The following PLEKHA8 variants were observed in gnomAD, a reference collection of about 807,000 sequenced individuals.
PLEKHA8 encodes pleckstrin homology domain-containing family A member 8.
In PLEKHA8, 36 loss-of-function variants were observed where a neutral mutation model predicts 68.2. The observed-to-expected ratio is 0.53, with a 90% confidence interval of 0.40 to 0.70. PLEKHA8 has a LOEUF of 0.70. Ranked by LOEUF, PLEKHA8 falls within the 30% of genes least tolerant of loss-of-function variation. The probability of loss-of-function intolerance (pLI) is 0.00; values close to 1 mark genes in which losing one functional copy is unlikely to be tolerated. For missense variants in PLEKHA8, 505 were observed against 615.4 expected, an observed-to-expected ratio of 0.82 and a Z score of 1.90; for synonymous variants, 211 against 216.1, an observed-to-expected ratio of 0.98 and a Z score of 0.20.
Position 30,052,775 on chromosome 7 carries a change from C to A in PLEKHA8, c.705C>A (p.Ile235=), listed in dbSNP as rs1466621314. The A allele has an allele frequency of 6.4e-7, 1 of 1,567,018 alleles. No homozygotes were observed. The highest frequency in any genetic ancestry group is 1.2e-5 in the South Asian group (1 of 82,392). The change falls in exon 7 of 14, where the codon ATC becomes ATA. Residue 235 remains isoleucine, a synonymous_variant. Coordinates refer to ENST00000449726, the MANE Select transcript of PLEKHA8 (RefSeq NM_001197026.2). ...LNMEINGEEE[I]LMKNKNSLYL... The stretch of plus-strand genomic sequence containing the variant: ...TGGAAATAAATGGTGAGGAAGAAAT[C>A]CTAATGAAAAATAAGAATTCCTTAT...
chr7:30,116,317 TAC>T (rs1167261543), intron 13 of PLEKHA8, among the ~76,000 whole-genome samples: 1 of 151,824 alleles, frequency 6.6e-6, no homozygotes, highest in Non-Finnish European at 1.5e-5. Context: ...CATATATACA[TAC>T]ACATATGTGT....
rs527958905 is a variant in PLEKHA8 at position 30,043,302 on chromosome 7, T to C, written c.41-1783T>C. ...TGTGAGCCACCGTGCCCTGCCAGCA[T>C]CACCTTCTGAAATAAAAATTTACAA... On this transcript the variant is annotated intron_variant, in intron 1 of 13. Coordinates refer to ENST00000449726, the MANE Select transcript of PLEKHA8 (RefSeq NM_001197026.2). Among the ~76,000 whole-genome samples, 4 of 152,262 alleles carry C rather than the reference T, an allele frequency of 2.6e-5. No homozygotes were observed. The South Asian group carries it at 8.3e-4, about 32-fold the overall frequency.
rs1246749954 is a variant in PLEKHA8, at chr7:30,083,365, CTG to C, written c.*4580_*4581del. 3 of 983,968 alleles carry C rather than the reference CTG, an allele frequency of 3.0e-6. No homozygotes were observed. Among genetic ancestry groups the C allele is most frequent in the East Asian group, 2.3e-4 (2 of 8,822 alleles). The allele number at this position is 983,968 out of a possible 1,614,324, so 61.0% of individuals were successfully genotyped here. ...CTAGCTGTCTAATGGTATTTTAAGA[CTG>C]TTTATCTGTATCACAACGTCATTAG... On this transcript the variant is annotated 3_prime_UTR_variant, in exon 14 of 14. Transcript: ENST00000449726.
intron 7 of PLEKHA8, among the ~76,000 whole-genome samples, chr7:30,053,102 T>C (rs760389074): frequency 1.3e-5 from 2 of 152,216 alleles, no homozygotes; most frequent in East Asian, 3.8e-4. Context: ...TTCTTGGCTG[T>C]GTTCATGGGC....
chr7:30,119,707 G>A (rs1236556589), intron 13 of PLEKHA8, among the ~76,000 whole-genome samples: 1 of 152,214 alleles, frequency 6.6e-6, no homozygotes, highest in East Asian at 1.9e-4. Context: ...GATGAAAACA[G>A]CCGCTTATAC....
chr7:30,129,723 G>T (rs148134609), downstream of PLEKHA8: 651 of 185,908 alleles, frequency 3.5e-3, 5 homozygotes, highest in African/African-American at 0.014. Flanking sequence ...TATTTTCTCA[G>T]ATCCTTATAA....
At chr7:30,124,463 TG>T (rs1235250826) in intron 13 of PLEKHA8, among the ~76,000 whole-genome samples, 2 of 152,242 alleles carry the variant, frequency 1.3e-5, no homozygotes, top group Non-Finnish European at 2.9e-5. Flanking sequence ...ACTTGGAAAG[TG>T]TGTTTTATTT....
intron 9 of PLEKHA8, 34 bp from the exon 10 acceptor site, chr7:30,060,850 C>A: frequency 6.3e-7 from 1 of 1,589,280 alleles, no homozygotes; most frequent in Non-Finnish European, 8.6e-7. Context: ...TTAAAAATTG[C>A]TTTTTCAGAA....
intron 12 of PLEKHA8, among the ~76,000 whole-genome samples, chr7:30,067,384 C>CA (rs956835476): frequency 6.6e-6 from 1 of 152,100 alleles, no homozygotes; most frequent in Non-Finnish European, 1.5e-5. Flanking sequence ...GTGGGAGGAT[C>CA]ACTTGCGCCA....
intron 7 of PLEKHA8, among the ~76,000 whole-genome samples, chr7:30,054,349 T>G (rs1176741744): frequency 6.6e-6 from 1 of 152,196 alleles, no homozygotes; most frequent in Non-Finnish European, 1.5e-5. Context: ...CAAATACATA[T>G]AGAATGTGCT....
intron 13 of PLEKHA8, among the ~76,000 whole-genome samples, chr7:30,100,674 G>A (rs1795817491): frequency 2.0e-5 from 3 of 152,074 alleles, no homozygotes; most frequent in Non-Finnish European, 4.4e-5. Flanking sequence ...AAGGAACAAG[G>A]TAAGGATATC....
At chr7:30,116,102 A>T (rs147465766) in intron 13 of PLEKHA8, 1 of 150,700 alleles carries the variant, frequency 6.6e-6, no homozygotes, top group Admixed American at 6.6e-5. Context: ...ACGTATACAT[A>T]CGCATACATA....
chr7:30,063,441 C>A (rs1157770086), intron 12 of PLEKHA8, among the ~76,000 whole-genome samples: 1 of 152,134 alleles, frequency 6.6e-6, no homozygotes, highest in Non-Finnish European at 1.5e-5. Flanking sequence ...GCTGAACTCT[C>A]ACCATTGATC....
chr7:30,110,873 C>T lies in PLEKHA8; in HGVS notation c.1363-18393C>T, dbSNP rs117107034. On this transcript the variant is annotated intron_variant, in intron 13 of 13. Transcript: ENST00000396257. ...AAGAAATATCTATTCAAATTCTTTGCCCAACTTTAATTGTGGTGTTTTCTT... is the reference window on the plus strand; with the variant it reads ...AAGAAATATCTATTCAAATTCTTTGTCCAACTTTAATTGTGGTGTTTTCTT... Among the ~76,000 whole-genome samples, 874 of 150,556 alleles carry T rather than the reference C, an allele frequency of 5.8e-3. 1 individual carries two copies. Among genetic ancestry groups the T allele is most frequent in the Non-Finnish European group, 8.0e-3 (545 of 67,710 alleles).
downstream of PLEKHA8, among the ~76,000 whole-genome samples, chr7:30,090,919 G>C (rs543255334): frequency 3.0e-4 from 45 of 152,270 alleles, no homozygotes; most frequent in African/African-American, 1.0e-3. Flanking sequence ...CCAGTGCTTT[G>C]GGAGGCCAAG....
intron 13 of PLEKHA8, among the ~76,000 whole-genome samples, chr7:30,098,902 C>T (rs889246177): frequency 7.9e-5 from 12 of 152,198 alleles, no homozygotes; most frequent in Admixed American, 5.2e-4. Context: ...CCGTCTTCTG[C>T]GTCGCTCACG....
chr7:30,098,558 C>A (rs959817425), intron 13 of PLEKHA8, among the ~76,000 whole-genome samples: 1 of 152,254 alleles, frequency 6.6e-6, no homozygotes, highest in Non-Finnish European at 1.5e-5. Context: ...AGCCTCGCTG[C>A]CGCCTTGCAG....
rs1483822474 is a variant in PLEKHA8 at position 30,081,284 on chromosome 7, T to C, written c.*2497T>C. The C allele has an allele frequency of 2.0e-6, 2 of 985,256 alleles. No individual in the cohort carries two copies. The highest frequency in any genetic ancestry group is 6.1e-5 in the Admixed American group (1 of 16,264). 61.0% of individuals were successfully genotyped at this position (985,256 alleles called of 1,614,324 possible). A position where few individuals can be genotyped will look rare whatever the true frequency, so the allele number is the denominator to read the frequency against. Reference sequence around the variant, plus strand: ...TAGGTATTTTCCCCACTGGAGCATATTACGTTTGCCTAAGATGTATAAAAG... The same window carrying C: ...TAGGTATTTTCCCCACTGGAGCATACTACGTTTGCCTAAGATGTATAAAAG... On this transcript the variant is annotated 3_prime_UTR_variant, in exon 14 of 14. Coordinates refer to ENST00000449726, the MANE Select transcript of PLEKHA8 (RefSeq NM_001197026.2).
In PLEKHA8 at chr7:30,101,638, T is replaced by G. The variant is rs561836250; in HGVS notation, c.1362+27506T>G. Among the ~76,000 whole-genome samples, 45 of 152,314 alleles carry G rather than the reference T, an allele frequency of 3.0e-4. 2 individuals carry two copies. In the South Asian group the frequency reaches 9.3e-3, roughly 32 times the overall value. Reference sequence around the variant, plus strand: ...CACCTTAGGCGCTAGGATTTCAACATATGAATTTGGGGAGAACACAGAGAT... The same window carrying G: ...CACCTTAGGCGCTAGGATTTCAACAGATGAATTTGGGGAGAACACAGAGAT... On this transcript the variant is annotated intron_variant, in intron 13 of 13. Coordinates refer to the PLEKHA8 transcript ENST00000396257.
Sources: gnomAD v4.1 joint callset for allele counts (sites outside exome capture counted in the v4.1 genomes callset) on GRCh38, gnomAD v4.1.1 for gene constraint, MANE v1.5 for transcripts, NCBI Gene and HGNC (gene_info 2026-07-23, HGNC 2026-07-21) for gene names.